CRPPA: variants seen among roughly 807,000 people sequenced by gnomAD.
CRPPA encodes the protein CDP-L-ribitol pyrophosphorylase A.
Under a neutral mutation model 52.0 loss-of-function variants are expected in CRPPA, and 43 were observed. The observed-to-expected ratio is 0.83, with a 90% CI of 0.65 to 1.07. The LOEUF is 1.07. Among genes scored for constraint, CRPPA ranks in the 50% least tolerant of loss-of-function variants. The pLI, the probability that CRPPA is intolerant of heterozygous loss-of-function variation, is 0.00. For missense variants in CRPPA, 629 were observed against 551.7 expected (o/e 1.14, Z -1.40); for synonymous variants, 250 against 203.5 (o/e 1.23, Z -1.94).
chr7:16,396,842 G>A (rs896410488), intron 2 of CRPPA, among the ~76,000 whole-genome samples: 1 of 152,240 alleles, frequency 6.6e-6, no homozygotes. Flanking sequence ...CTATACGTAT[G>A]TGACACGTAA....
chr7:16,390,496 T>C (rs1026919705), intron 2 of CRPPA, among the ~76,000 whole-genome samples: 3 of 152,002 alleles, frequency 2.0e-5, no homozygotes, highest in African/African-American at 7.2e-5. Context: ...TAGTTCTTAG[T>C]CTTCTTGAGT....
chr7:16,287,021 T>C (rs35681285), intron 5 of CRPPA, among the ~76,000 whole-genome samples: 11,443 of 152,276 alleles, frequency 0.075, 673 homozygotes, highest in African/African-American at 0.16. Context: ...TTATGATTAT[T>C]TAGTGCTCAT....
chr7:16,176,380 C>G (rs536559912), intron 9 of CRPPA, among the ~76,000 whole-genome samples: 1 of 152,022 alleles, frequency 6.6e-6, no homozygotes, highest in Non-Finnish European at 1.5e-5. Context: ...AAGCGATTCA[C>G]CAAAGTAGCT....
chr7:16,252,828 C>G (rs912092463), intron 8 of CRPPA, among the ~76,000 whole-genome samples: 3 of 151,980 alleles, frequency 2.0e-5, no homozygotes, highest in Non-Finnish European at 4.4e-5. Context: ...CCTGCTTTAG[C>G]CTTGGGAGGG....
intron 9 of CRPPA, among the ~76,000 whole-genome samples, chr7:16,174,112 C>G (rs1039617890): frequency 6.6e-6 from 1 of 152,102 alleles, no homozygotes; most frequent in Non-Finnish European, 1.5e-5. Context: ...AAATTAACTA[C>G]AAGAAGCCAG....
chr7:16,357,668 A>C (rs1473393722), intron 3 of CRPPA, among the ~76,000 whole-genome samples: 2 of 152,214 alleles, frequency 1.3e-5, no homozygotes, highest in African/African-American at 4.8e-5. Flanking sequence ...GCTATCATTC[A>C]GCATTCAGTC....
At chr7:16,343,775 C>T (rs1029534225) in intron 3 of CRPPA, among the ~76,000 whole-genome samples, 4 of 152,144 alleles carry the variant, frequency 2.6e-5, no homozygotes, top group Non-Finnish European at 4.4e-5. Flanking sequence ...TGCGCACATG[C>T]CCAGGAAAGA....
At chr7:16,284,796 C>T (rs796199857) in intron 5 of CRPPA, among the ~76,000 whole-genome samples, 6 of 152,092 alleles carry the variant, frequency 3.9e-5, no homozygotes, top group African/African-American at 1.4e-4. Context: ...AAGCATGCTG[C>T]ACTGACAATC....
At chr7:16,259,067 T>A in intron 6 of CRPPA, 55 bp from the exon 7 acceptor site, 3 of 1,241,794 alleles carry the variant, frequency 2.4e-6, no homozygotes, top group Non-Finnish European at 3.5e-6. Context: ...AACATAAACA[T>A]CTTTGTTACA....
At chr7:16,294,874 A>C (rs1583498458) in intron 5 of CRPPA, among the ~76,000 whole-genome samples, 2 of 152,030 alleles carry the variant, frequency 1.3e-5, no homozygotes, top group African/African-American at 4.8e-5. Flanking sequence ...ACCTGATTTA[A>C]AGTTCCTCAT....
chr7:16,312,657 C>T (rs1785058877), intron 3 of CRPPA, among the ~76,000 whole-genome samples: 1 of 151,886 alleles, frequency 6.6e-6, no homozygotes, highest in Non-Finnish European at 1.5e-5. Flanking sequence ...ACATCCTTGC[C>T]TTGTTCTTGA....
chr7:16,317,166 A>T (rs1583514294), intron 3 of CRPPA, among the ~76,000 whole-genome samples: 1 of 152,298 alleles, frequency 6.6e-6, no homozygotes, highest in African/African-American at 2.4e-5. Flanking sequence ...AGTCAAATAG[A>T]CTTGGGTTCC....
intron 3 of CRPPA, among the ~76,000 whole-genome samples, chr7:16,348,537 TA>T (rs1786070495): frequency 6.6e-6 from 1 of 152,204 alleles, no homozygotes; most frequent in Non-Finnish European, 1.5e-5. Context: ...GGACTAGGTA[TA>T]TGAGCGTCTC....
chr7:16,169,741 C>T (rs1781139859), intron 9 of CRPPA, among the ~76,000 whole-genome samples: 1 of 152,168 alleles, frequency 6.6e-6, no homozygotes, highest in African/African-American at 2.4e-5. Context: ...TCGACTATAT[C>T]AGGAAAGAAA....
At chr7:16,281,577 G>T (rs1025262510) in intron 5 of CRPPA, among the ~76,000 whole-genome samples, 2 of 151,928 alleles carry the variant, frequency 1.3e-5, no homozygotes, top group African/African-American at 4.8e-5. Context: ...TACTTATAAG[G>T]CCCTGTCATA....
chr7:16,405,542 AT>A (rs1787931985), intron 2 of CRPPA, among the ~76,000 whole-genome samples: 3 of 152,180 alleles, frequency 2.0e-5, no homozygotes, highest in Non-Finnish European at 4.4e-5. Flanking sequence ...AAGGAAAAAA[AT>A]AAACATGCTC....
At chr7:16,295,637 T>A (rs1473555990) in intron 5 of CRPPA, among the ~76,000 whole-genome samples, 5 of 152,236 alleles carry the variant, frequency 3.3e-5, no homozygotes, top group African/African-American at 1.2e-4. Context: ...GGGCTTTTCT[T>A]AGAAACTCTT....
intron 6 of CRPPA, among the ~76,000 whole-genome samples, chr7:16,260,737 C>G (rs1783772051): frequency 6.7e-6 from 1 of 150,068 alleles, no homozygotes. Context: ...AAAAAAAAAT[C>G]TTACTTTAAA....
At chr7:16,098,361 A>G (rs2128362987) in intron 9 of CRPPA, among the ~76,000 whole-genome samples, 1 of 152,338 alleles carries the variant, frequency 6.6e-6, no homozygotes, top group Middle Eastern at 3.4e-3. Flanking sequence ...GAGATTACAC[A>G]ATGTTTCTTT....
Sources: gnomAD v4.1 joint callset for allele counts (sites outside exome capture counted in the v4.1 genomes callset) on GRCh38, gnomAD v4.1.1 for gene constraint, MANE v1.5 for transcripts, NCBI Gene and HGNC (gene_info 2026-07-23, HGNC 2026-07-21) for gene names.